Variants in H2AZ1 observed in about 807,000 individuals in gnomAD.
H2AZ1 encodes the protein histone H2A.Z.
A neutral mutation model predicts 16.6 loss-of-function variants in H2AZ1; 3 were observed. The observed-to-expected ratio is 0.18, with a 90% CI of 0.08 to 0.47. H2AZ1 has a LOEUF of 0.47. Ranked by LOEUF, H2AZ1 falls within the 20% of genes least tolerant of loss-of-function variation. The pLI is 0.98. For synonymous variants in H2AZ1, 78 were observed against 60.7 expected (o/e 1.28, Z -1.32); for missense variants, 27 against 163.6 (o/e 0.17, Z 4.55).
intron 2 of H2AZ1, 55 bp from the exon 3 acceptor site, chr4:99,949,441 G>A (rs1377535033): frequency 3.3e-6 from 4 of 1,228,964 alleles, no homozygotes; most frequent in East Asian, 4.7e-5. Context: ...ACTAGAGATG[G>A]GGAAATTATA....
At position 99,948,946 on chromosome 4, in the gene H2AZ1, A is replaced by T; in HGVS notation, c.196-6T>A. 1 of 1,532,444 alleles carries T rather than the reference A, an allele frequency of 6.5e-7. No individual in the cohort carries two copies. The highest frequency in any genetic ancestry group is 9.0e-7 in the Non-Finnish European group (1 of 1,106,594). The allele number at this position is 1,532,444 out of a possible 1,614,324, so 94.9% of individuals were successfully genotyped here. ...TTTCCTGCCAGTTCAAGTACCTAAAAGGCAGAATCTGTCAGTTGCCTTCCA... is the reference window on the plus strand; with the variant it reads ...TTTCCTGCCAGTTCAAGTACCTAAATGGCAGAATCTGTCAGTTGCCTTCCA... On this transcript the variant is annotated splice_region_variant and splice_polypyrimidine_tract_variant and intron_variant, in intron 3 of 4. Transcript: ENST00000296417.
At chr4:99,948,663 G>T in intron 4 of H2AZ1, 140 bp from the exon 5 acceptor site, 1 of 1,460,956 alleles carries the variant, frequency 6.8e-7, no homozygotes, top group Non-Finnish European at 9.1e-7. Flanking sequence ...AATTCATTGA[G>T]TTATACATAT....
chr4:99,949,171 C>A (rs1727209840), intron 3 of H2AZ1, 102 bp downstream of exon 3: 2 of 714,540 alleles, frequency 2.8e-6, no homozygotes, highest in African/African-American at 3.6e-5. Flanking sequence ...CCTCTCGCCG[C>A]GTTCAGGGCC....
Position 99,948,277 on chromosome 4 carries a change from T to C in H2AZ1, c.*185A>G. 4.2e-6 allele frequency: 3 copies of C among 719,204 alleles called. No individual in the cohort carries two copies. Among genetic ancestry groups the C allele is most frequent in the Non-Finnish European group, 7.7e-6 (3 of 389,034 alleles). 44.6% of individuals were successfully genotyped at this position (719,204 alleles called of 1,614,324 possible). A position where few individuals can be genotyped will look rare whatever the true frequency, so the allele number is the denominator to read the frequency against. ...TTGAAGCCACAGTAACACTTAAATA[T>C]GGTTAAGACTCGAATGCAGAAATTT... is the stretch of plus-strand genomic sequence containing the variant. On this transcript the variant is annotated 3_prime_UTR_variant, in exon 5 of 5. Transcript: ENST00000296417.
At position 99,950,257 on chromosome 4, in the gene H2AZ1, G is replaced by A. The variant is rs1404036233; in HGVS notation, c.-87C>T. On this transcript the variant is annotated 5_prime_UTR_variant, in exon 1 of 5. Transcript: ENST00000296417. Reference sequence around the variant, plus strand: ...AGATCCCACCACCTACTCCTTCGTCGCACCGCGATTCAAACTGCGCTGTCT... The same window carrying A: ...AGATCCCACCACCTACTCCTTCGTCACACCGCGATTCAAACTGCGCTGTCT... 1 of 1,282,238 alleles carries A rather than the reference G, an allele frequency of 7.8e-7. No homozygotes were observed. Among genetic ancestry groups the A allele is most frequent in the Non-Finnish European group, 1.1e-6 (1 of 895,114 alleles). 79.4% of individuals were successfully genotyped at this position (1,282,238 alleles called of 1,614,324 possible).
chr4:99,949,810 T>G, intron 1 of H2AZ1, 70 bp from the exon 2 acceptor site: 2 of 1,221,600 alleles, frequency 1.6e-6, no homozygotes, highest in Non-Finnish European at 2.3e-6. Flanking sequence ...GGCGCGCCCA[T>G]CCCCCACCGC....
At chr4:99,949,247 C>T in intron 3 of H2AZ1, 26 bp downstream of exon 3, 3 of 1,365,244 alleles carry the variant, frequency 2.2e-6, no homozygotes, top group Non-Finnish European at 3.1e-6. Context: ...AAACCTTCTC[C>T]GGATTATAGG....
intron 4 of H2AZ1, 128 bp downstream of exon 4, chr4:99,948,683 T>A (rs1439190792): frequency 2.6e-5 from 38 of 1,458,410 alleles, no homozygotes; most frequent in Non-Finnish European, 3.3e-5. Context: ...TAAATCAAAT[T>A]TCATGATACA....
At position 99,949,168 on chromosome 4, in the gene H2AZ1, C is replaced by T. The variant is rs186120127; in HGVS notation, c.195+105G>A. On this transcript the variant is annotated intron_variant, in intron 3 of 4. Transcript: ENST00000296417. Reference sequence around the variant, plus strand: ...CTCTAGCGTTCTCTTAGGCCTCTCGCCGCGTTCAGGGCCTGGGAGTTTTCT... The same window carrying T: ...CTCTAGCGTTCTCTTAGGCCTCTCGTCGCGTTCAGGGCCTGGGAGTTTTCT... 2.9e-4 allele frequency: 205 copies of T among 710,698 alleles called. 2 individuals carry two copies. In the Middle Eastern group the frequency reaches 0.011, roughly 39 times the overall value. The allele number at this position is 710,698 out of a possible 1,614,324, so 44.0% of individuals were successfully genotyped here.
At chr4:99,948,553 T>G (rs555055708) in intron 4 of H2AZ1, 30 bp from the exon 5 acceptor site, 1 of 1,607,008 alleles carries the variant, frequency 6.2e-7, no homozygotes, top group African/African-American at 1.3e-5. Context: ...TAATTCTACT[T>G]AAGATTTTTT....
chr4:99,949,531 G>C, intron 2 of H2AZ1, 132 bp downstream of exon 2: 1 of 1,018,654 alleles, frequency 9.8e-7, no homozygotes, highest in Non-Finnish European at 1.6e-6. Flanking sequence ...CATATTTATC[G>C]TATGGGCAGC....
intron 3 of H2AZ1, 110 bp downstream of exon 3, chr4:99,949,163 T>A (rs1727209621): frequency 1.4e-6 from 1 of 694,486 alleles, no homozygotes; most frequent in South Asian, 1.8e-5. Flanking sequence ...CTCTTAGGCC[T>A]CTCGCCGCGT....
chr4:99,949,810 TC>T, intron 1 of H2AZ1, 70 bp from the exon 2 acceptor site: 2 of 1,221,600 alleles, frequency 1.6e-6, no homozygotes, highest in Non-Finnish European at 2.3e-6. Context: ...GGCGCGCCCA[TC>T]CCCCACCGCG....
Position 99,950,213 on chromosome 4 carries a change from G to A in H2AZ1, c.-43C>T. ...CTCAAGCAAGCAAGGCAGAGAAAAG[G>A]CTAATCGGACCCACGGTGAGATCCC... is the stretch of plus-strand genomic sequence containing the variant. On this transcript the variant is annotated 5_prime_UTR_variant, in exon 1 of 5. Transcript: ENST00000296417. 1.2e-6 allele frequency: 2 copies of A among 1,600,280 alleles called. No homozygotes were observed. Among genetic ancestry groups the A allele is most frequent in the Non-Finnish European group, 1.7e-6 (2 of 1,172,270 alleles).
rs996517683 is a variant in H2AZ1, at chr4:99,948,340, A to C, written c.*122T>G. The C allele has an allele frequency of 5.3e-6, 4 of 758,010 alleles. No homozygotes were observed. In the African/African-American group the frequency reaches 6.9e-5, roughly 13 times the overall value. The allele number at this position is 758,010 out of a possible 1,614,324, so 47.0% of individuals were successfully genotyped here. ...AGCTAATTAAACTTCCAACTTGCTC[A>C]AATAGAATTACAAAAAGGCAAAATT... On this transcript the variant is annotated 3_prime_UTR_variant, in exon 5 of 5. Coordinates refer to ENST00000296417, the MANE Select transcript of H2AZ1 (RefSeq NM_002106.4).
chr4:99,949,567 C>G (rs1344007778), intron 2 of H2AZ1, 96 bp downstream of exon 2: 7 of 1,189,204 alleles, frequency 5.9e-6, no homozygotes, highest in African/African-American at 1.5e-5. Flanking sequence ...GCATCACCCA[C>G]GCATACACAA....
At position 99,950,220 on chromosome 4, in the gene H2AZ1, G is replaced by A. The variant is rs370608688; in HGVS notation, c.-50C>T. 1.3e-6 allele frequency: 2 copies of A among 1,592,148 alleles called. No homozygotes were observed. The highest frequency in any genetic ancestry group is 1.7e-5 in the Admixed American group (1 of 58,772). ...AAGCAAGGCAGAGAAAAGGCTAATC[G>A]GACCCACGGTGAGATCCCACCACCT... On this transcript the variant is annotated 5_prime_UTR_variant, in exon 1 of 5. Transcript: ENST00000296417.
chr4:99,948,357 G>A lies in H2AZ1; in HGVS notation c.*105C>T. On this transcript the variant is annotated 3_prime_UTR_variant, in exon 5 of 5. Coordinates refer to ENST00000296417, the MANE Select transcript of H2AZ1 (RefSeq NM_002106.4). ...ACTTGCTCAAATAGAATTACAAAAAGGCAAAATTGTGTTTTTCACAGAGAT... is the reference window on the plus strand; with the variant it reads ...ACTTGCTCAAATAGAATTACAAAAAAGCAAAATTGTGTTTTTCACAGAGAT... 3.7e-6 allele frequency: 3 copies of A among 812,588 alleles called. No individual in the cohort carries two copies. The highest frequency in any genetic ancestry group is 1.8e-5 in the Admixed American group (1 of 55,346). 50.3% of individuals were successfully genotyped at this position (812,588 alleles called of 1,614,324 possible). A position where few individuals can be genotyped will look rare whatever the true frequency, so the allele number is the denominator to read the frequency against.
Position 99,948,281 on chromosome 4 carries a change from TAA to T in H2AZ1, c.*179_*180del. 1.4e-6 allele frequency: 1 copy of T among 720,950 alleles called. No homozygotes were observed. The highest frequency in any genetic ancestry group is 2.6e-6 in the Non-Finnish European group (1 of 389,588). 44.7% of individuals were successfully genotyped at this position (720,950 alleles called of 1,614,324 possible). The stretch of plus-strand genomic sequence containing the variant: ...AGCCACAGTAACACTTAAATATGGT[TAA>T]GACTCGAATGCAGAAATTTGGTTGG... On this transcript the variant is annotated 3_prime_UTR_variant, in exon 5 of 5. Transcript: ENST00000296417.
Sources: allele counts gnomAD v4.1 joint callset, GRCh38; gene constraint gnomAD v4.1.1; transcripts MANE v1.5; gene names NCBI Gene and HGNC (gene_info 2026-07-23, HGNC 2026-07-21).